The following UNC5B variants were observed in gnomAD, a reference collection of about 807,000 sequenced individuals.
The protein encoded by UNC5B is netrin receptor UNC5B.
Under a neutral mutation model 103.7 loss-of-function variants are expected in UNC5B, and 56 were observed. That is an observed-to-expected ratio of 0.54 (90% CI 0.44 to 0.67). The LOEUF is 0.67. Among genes scored for constraint, UNC5B ranks in the 30% least tolerant of loss-of-function variants. UNC5B has a pLI of 0.00. For missense variants in UNC5B, 1,194 were observed against 1,284.5 expected (o/e 0.93, Z 1.08); for synonymous variants, 577 against 542.0 (o/e 1.06, Z -0.90).
chr10:71,230,249 C>G (rs1480148286), intron 1 of UNC5B, among the ~76,000 whole-genome samples: 1 of 152,126 alleles, frequency 6.6e-6, no homozygotes, highest in African/African-American at 2.4e-5. Context: ...TCTGATTGGT[C>G]AGAGTGAGGA....
chr10:71,276,678 C>T (rs1351218993), intron 1 of UNC5B, among the ~76,000 whole-genome samples: 4 of 152,212 alleles, frequency 2.6e-5, no homozygotes, highest in Non-Finnish European at 5.9e-5. Flanking sequence ...AGGCAGTCCA[C>T]CCACCTCGGC....
chr10:71,288,739 C>T lies in UNC5B; in HGVS notation c.1066+7C>T, dbSNP rs750430461. The T allele has an allele frequency of 1.2e-6, 2 of 1,602,826 alleles. No individual in the cohort carries two copies. Among genetic ancestry groups the T allele is most frequent in the East Asian group, 4.5e-5 (2 of 44,624 alleles). On this transcript the variant is annotated splice_region_variant and intron_variant, in intron 7 of 16. Coordinates refer to ENST00000335350, the MANE Select transcript of UNC5B (RefSeq NM_170744.5). The stretch of plus-strand genomic sequence containing the variant: ...GATGGGCTGTGCATGCAAAGTGAGT[C>T]ACAGGGAAGGTGGGGCCCTGGGGGT...
intron 1 of UNC5B, among the ~76,000 whole-genome samples, chr10:71,255,168 T>A (rs1436803663): frequency 6.6e-6 from 1 of 152,250 alleles, no homozygotes; most frequent in Non-Finnish European, 1.5e-5. Context: ...GGATATACTT[T>A]AATTTACTCA....
In UNC5B at chr10:71,299,886, G is replaced by A. The variant is rs1451548961; in HGVS notation, c.*609G>A. On this transcript the variant is annotated 3_prime_UTR_variant, in exon 17 of 17. Coordinates refer to ENST00000335350, the MANE Select transcript of UNC5B (RefSeq NM_170744.5). The stretch of plus-strand genomic sequence containing the variant: ...ACCCAGTTTCTTAGGAAACGCAAAC[G>A]ATTTATTATCCAGATTATTTGGATA... The A allele has an allele frequency of 3.3e-5, 5 of 151,234 alleles. No individual in the cohort carries two copies. Among genetic ancestry groups the A allele is most frequent in the African/African-American group, 9.8e-5 (4 of 41,002 alleles). 9.4% of individuals were successfully genotyped at this position (151,234 alleles called of 1,614,324 possible).
At chr10:71,266,683 C>G (rs997508620) in intron 1 of UNC5B, among the ~76,000 whole-genome samples, 5 of 152,156 alleles carry the variant, frequency 3.3e-5, no homozygotes, top group African/African-American at 1.2e-4. Flanking sequence ...AGGTGTGGGG[C>G]TCGCCGGGAC....
rs1843601010 is a variant in UNC5B at position 71,227,705 on chromosome 10, TATACACACAC to T, written c.79+14643_79+14652del. Among the ~76,000 whole-genome samples the T allele has an allele frequency of 9.1e-5, 11 of 120,656 alleles. 1 individual carries two copies. Among genetic ancestry groups the T allele is most frequent in the African/African-American group, 3.3e-4 (10 of 29,878 alleles). 79.2% of individuals were successfully genotyped at this position (120,656 alleles called of 152,430 possible). On this transcript the variant is annotated intron_variant, in intron 1 of 16. Coordinates refer to ENST00000335350, the MANE Select transcript of UNC5B (RefSeq NM_170744.5). ...ATATATACACATATATATACACACA[TATACACACAC>T]ACACACACACACACACACACACACA...
rs1845174507 is a variant in UNC5B at position 71,288,988 on chromosome 10, A to G, written c.1097A>G (p.His366Arg). The G allele has an allele frequency of 6.2e-7, 1 of 1,614,128 alleles. No homozygotes were observed. The highest frequency in any genetic ancestry group is 8.5e-7 in the Non-Finnish European group (1 of 1,180,010). ...NKKTLSDPNSHLLEASGDAAL... is the reference protein window; with the variant it reads ...NKKTLSDPNSRLLEASGDAAL... ...AAAACTCTAAGCGACCCCAACAGCC[A>G]CCGTAAGTCCCATTTCATGGCTGTC... The change falls in exon 8 of 17, where the codon CAC becomes CGC. Residue 366 changes from histidine to arginine, a missense_variant and splice_region_variant. Coordinates refer to ENST00000335350, the MANE Select transcript of UNC5B (RefSeq NM_170744.5).
intron 8 of UNC5B, among the ~76,000 whole-genome samples, chr10:71,289,766 GCCCT>G (rs1202492538): frequency 1.7e-4 from 2 of 11,570 alleles, no homozygotes; most frequent in Non-Finnish European, 8.7e-4. Flanking sequence ...CAGGAGCCCA[GCCCT>G]GAGGGGTCCT....
chr10:71,269,343 T>TTCCC (rs10643005), intron 1 of UNC5B, among the ~76,000 whole-genome samples: 2 of 130,402 alleles, frequency 1.5e-5, no homozygotes, highest in Admixed American at 8.5e-5. Flanking sequence ...AAAAATGAAG[T>TTCCC]CCCCCCCCCA....
Position 71,293,794 on chromosome 10 carries a change from C to T in UNC5B, c.2036C>T (p.Thr679Ile). Residue 679 changes from threonine to isoleucine, a missense_variant, in exon 13 of 17, where the codon ACC becomes ATC. By Grantham distance (89) the Thr-to-Ile change is moderately conservative. Transcript: ENST00000335350. ...CACATCCTGCTGGACCAGCTGGGCACCTACGTGTTCACGGGCGAGTCCTAT... is the reference window on the plus strand; with the variant it reads ...CACATCCTGCTGGACCAGCTGGGCATCTACGTGTTCACGGGCGAGTCCTAT... ...ACHILLDQLG[T>I]YVFTGESYSR... 1.9e-6 allele frequency: 3 copies of T among 1,606,956 alleles called. No individual in the cohort carries two copies. Among genetic ancestry groups the T allele is most frequent in the Non-Finnish European group, 2.5e-6 (3 of 1,177,018 alleles).
At position 71,223,209 on chromosome 10, in the gene UNC5B, G is replaced by C. The variant is rs12240741; in HGVS notation, c.79+10145G>C. ...TGGCACTAGGTGACTAGGGAGGCTG[G>C]GCCTGATTTGGCTCACTCGTGTGGA... On this transcript the variant is annotated intron_variant, in intron 1 of 16. Coordinates refer to ENST00000335350, the MANE Select transcript of UNC5B (RefSeq NM_170744.5). 5.0e-3 allele frequency among the ~76,000 whole-genome samples: 755 copies of C among 152,270 alleles called. 7 individuals carry two copies. Among genetic ancestry groups the C allele is most frequent in the African/African-American group, 0.017 (708 of 41,544 alleles).
intron 1 of UNC5B, among the ~76,000 whole-genome samples, chr10:71,247,875 C>T (rs1412655990): frequency 2.6e-5 from 4 of 152,148 alleles, no homozygotes; most frequent in African/African-American, 9.7e-5. Context: ...GGGGGTCTTA[C>T]TTGTGTCCTT....
intron 1 of UNC5B, among the ~76,000 whole-genome samples, chr10:71,239,612 G>A (rs1564711683): frequency 6.6e-6 from 1 of 152,178 alleles, no homozygotes. Context: ...CTGGTGCTTA[G>A]CTGCAGTGGC....
At position 71,279,847 on chromosome 10, in the gene UNC5B, C is replaced by T. The variant is rs375618734; in HGVS notation, c.106C>T (p.Pro36Ser). 8.1e-6 allele frequency: 13 copies of T among 1,613,586 alleles called. No individual in the cohort carries two copies. Among genetic ancestry groups the T allele is most frequent in the Non-Finnish European group, 1.1e-5 (13 of 1,179,866 alleles). Residue 36 changes from proline to serine, a missense_variant, in exon 2 of 17, where the codon CCT (proline) becomes TCT (serine). Physicochemically the swap from Pro to Ser is moderately conservative, Grantham distance 74. Transcript: ENST00000335350. ...CACTGATTCTGGCAGCGAGGTGCTCCCTGACTCCTTCCCGTCAGCGCCAGC... is the reference window on the plus strand; with the variant it reads ...CACTGATTCTGGCAGCGAGGTGCTCTCTGACTCCTTCCCGTCAGCGCCAGC... ...AGTDSGSEVL[P>S]DSFPSAPAEP...
At chr10:71,297,234 T>G (rs1025563592) in intron 15 of UNC5B, among the ~76,000 whole-genome samples, 6 of 152,214 alleles carry the variant, frequency 3.9e-5, no homozygotes, top group African/African-American at 1.2e-4. Flanking sequence ...GCCATTCACA[T>G]GCTTGGCATA....
chr10:71,296,010 G>C (rs773431078), intron 14 of UNC5B, 50 bp downstream of exon 14: 17 of 1,609,868 alleles, frequency 1.1e-5, no homozygotes, highest in African/African-American at 2.7e-5. Flanking sequence ...AGGGCTGCCC[G>C]GGAAGCCCAG....
intron 1 of UNC5B, among the ~76,000 whole-genome samples, chr10:71,228,467 C>T (rs1843616195): frequency 6.6e-6 from 1 of 151,822 alleles, no homozygotes. Context: ...CTAACATATG[C>T]CACAGACGAA....
At chr10:71,270,340 AAGGGAGGGAGGGAGGGAGGG>A (rs776665500) in intron 1 of UNC5B, among the ~76,000 whole-genome samples, 54 of 82,528 alleles carry the variant, frequency 6.5e-4, no homozygotes, top group African/African-American at 2.5e-3. Flanking sequence ...GACTCTGCGG[AAGGGAGGGAGGGAGGGAGGG>A]AGGGAGGGAG....
intron 1 of UNC5B, among the ~76,000 whole-genome samples, chr10:71,236,341 C>A (rs908866745): frequency 1.3e-5 from 2 of 152,200 alleles, no homozygotes; most frequent in Non-Finnish European, 2.9e-5. Context: ...CCCCCAGCAT[C>A]CCTTGCCATG....
Sources: allele counts gnomAD v4.1 joint callset (sites outside exome capture counted in the v4.1 genomes callset), GRCh38; gene constraint gnomAD v4.1.1; transcripts MANE v1.5; gene names NCBI Gene and HGNC (gene_info 2026-07-23, HGNC 2026-07-21).